Variants in OTUD7A observed in about 807,000 individuals in gnomAD.
The protein encoded by OTUD7A is OTU domain-containing protein 7A.
OTUD7A carries 12 observed loss-of-function variants against 65.7 expected under a neutral mutation model. The ratio of observed to expected loss-of-function variants is 0.18; its 90% CI spans 0.12 to 0.30. The LOEUF (loss-of-function observed/expected upper bound fraction) is 0.30, where lower values mean the gene tolerates loss of function less well. Ranked by LOEUF, OTUD7A falls within the 10% of genes least tolerant of loss-of-function variation. OTUD7A has a pLI of 1.00. For synonymous variants in OTUD7A, 641 were observed against 586.3 expected, an observed-to-expected ratio of 1.09 and a Z score of -1.35; for missense variants, 1,148 against 1,304.8, an observed-to-expected ratio of 0.88 and a Z score of 1.85.
chr15:31,663,404 T>G (rs1411492430), intron 1 of OTUD7A, among the ~76,000 whole-genome samples: 1 of 152,202 alleles, frequency 6.6e-6, no homozygotes, highest in African/African-American at 2.4e-5. Flanking sequence ...TATTAAGCCC[T>G]GCATGCATTA....
intron 1 of OTUD7A, among the ~76,000 whole-genome samples, chr15:31,784,908 C>T (rs1895631860): frequency 2.0e-5 from 3 of 152,100 alleles, no homozygotes; most frequent in African/African-American, 4.8e-5. Context: ...GGTGTGGAGG[C>T]AGAATGGGGA....
At chr15:31,587,856 G>A (rs1052279308) in intron 3 of OTUD7A, among the ~76,000 whole-genome samples, 2 of 151,754 alleles carry the variant, frequency 1.3e-5, no homozygotes, top group African/African-American at 2.4e-5. Flanking sequence ...GGGCCCTAAC[G>A]CTCACTGTTC....
intron 1 of OTUD7A, among the ~76,000 whole-genome samples, chr15:31,682,302 A>T (rs1052170568): frequency 6.6e-6 from 1 of 152,216 alleles, no homozygotes; most frequent in East Asian, 1.9e-4. Flanking sequence ...CACAGTTAAG[A>T]TGTCAAGTAT....
chr15:31,822,853 G>A (rs577261366), intron 1 of OTUD7A, among the ~76,000 whole-genome samples: 40 of 152,098 alleles, frequency 2.6e-4, no homozygotes, highest in Admixed American at 5.9e-4. Context: ...GGAAGGCTGC[G>A]TACCCTAACG....
In OTUD7A at chr15:31,484,752, A is replaced by C. The variant is rs758249805; in HGVS notation, c.1372-28T>G. 3 of 1,584,836 alleles carry C rather than the reference A, an allele frequency of 1.9e-6. No homozygotes were observed. The highest frequency in any genetic ancestry group is 1.7e-6 in the Non-Finnish European group (2 of 1,172,564). On this transcript the variant is annotated intron_variant, in intron 12 of 12. Coordinates refer to ENST00000307050, the MANE Select transcript of OTUD7A (RefSeq NM_001382637.1). The surrounding 1 kb of genome is among the most constrained non-coding windows in gnomAD (Gnocchi z 4.5). ...GTGTGGAGAGGGAGGGCCGGATCGA[A>C]GGTGGTTAGAGAAGAGCTGTCCACG...
At chr15:31,566,640 G>T (rs1328505895) in intron 4 of OTUD7A, among the ~76,000 whole-genome samples, 2 of 152,142 alleles carry the variant, frequency 1.3e-5, no homozygotes, top group Non-Finnish European at 2.9e-5. Context: ...TGGAGGGGGG[G>T]TCTGGTGGGA....
intron 1 of OTUD7A, among the ~76,000 whole-genome samples, chr15:31,744,509 T>C (rs927671984): frequency 9.2e-5 from 14 of 152,120 alleles, no homozygotes; most frequent in Non-Finnish European, 1.8e-4. Context: ...ATTTAATACC[T>C]ATTCATTTAA....
In OTUD7A at chr15:31,570,106, C is replaced by G. The variant is rs775733536; in HGVS notation, c.243G>C (p.Gly81=). Residue 81 remains glycine (G), a synonymous_variant, in exon 4 of 13, where the codon GGG becomes GGC. Coordinates refer to ENST00000307050, the MANE Select transcript of OTUD7A (RefSeq NM_001382637.1). ...TANLPHVFNE[G]RGPKQPEREP... is the part of the protein sequence containing the mutation. Reference sequence around the variant, plus strand: ...CTCGCTCTGGCTGCTTGGGACCCCGCCCTTCATTGAACACATGTGGCAGAT... The same window carrying G: ...CTCGCTCTGGCTGCTTGGGACCCCGGCCTTCATTGAACACATGTGGCAGAT... 2 of 1,614,190 alleles carry G rather than the reference C, an allele frequency of 1.2e-6. No individual in the cohort carries two copies. Among genetic ancestry groups the G allele is most frequent in the South Asian group, 2.2e-5 (2 of 91,082 alleles).
chr15:31,511,041 C>CATGTATATCTATATGCAACATACATATAT lies in OTUD7A; in HGVS notation c.894-7224_894-7223insATATATGTATGTTGCATATAGATATACAT, dbSNP rs2041708727. Among the ~76,000 whole-genome samples, 3 of 13,864 alleles carry CATGTATATCTATATGCAACATACATATAT rather than the reference C, an allele frequency of 2.2e-4. 1 individual carries two copies. The highest frequency in any genetic ancestry group is 3.4e-4 in the Non-Finnish European group (3 of 8,700). 9.1% of individuals were successfully genotyped at this position (13,864 alleles called of 152,430 possible). On this transcript the variant is annotated intron_variant, in intron 8 of 12. Transcript: ENST00000307050. ...TACATGTATATCTATATGTAACATA[C>CATGTATATCTATATGCAACATACATATAT]ATGTATATCTATATGTAACATACAT...
At chr15:31,509,395 C>G (rs141882318) in intron 8 of OTUD7A, among the ~76,000 whole-genome samples, 1,562 of 152,190 alleles carry the variant, frequency 0.01, 17 homozygotes, top group Non-Finnish European at 0.017. Flanking sequence ...TCTTTTGCCT[C>G]AGCCTCCCGA....
intron 1 of OTUD7A, among the ~76,000 whole-genome samples, chr15:31,822,054 ACTGT>A (rs1262950272): frequency 2.6e-5 from 4 of 152,194 alleles, no homozygotes; most frequent in African/African-American, 7.2e-5. Flanking sequence ...CATTCTATGG[ACTGT>A]CTTTTTGCTT....
At chr15:31,746,171 G>C (rs1595741917) in intron 1 of OTUD7A, among the ~76,000 whole-genome samples, 1 of 152,182 alleles carries the variant, frequency 6.6e-6, no homozygotes, top group African/African-American at 2.4e-5. Flanking sequence ...TTATCCTGGG[G>C]TTTCCCCACT....
rs187573574 is a variant in OTUD7A, at chr15:31,713,258, G to A, written c.-99-56181C>T. Among the ~76,000 whole-genome samples the A allele has an allele frequency of 5.9e-5, 9 of 152,278 alleles. No individual in the cohort carries two copies. In the East Asian group the frequency reaches 1.3e-3, roughly 23 times the overall value. On this transcript the variant is annotated intron_variant, in intron 1 of 12. Transcript: ENST00000307050. Reference sequence around the variant, plus strand: ...AATAAATCCTCTAGAAAGCAACATGGAGGAGCATCTGCATGAACTTGGGAT... The same window carrying A: ...AATAAATCCTCTAGAAAGCAACATGAAGGAGCATCTGCATGAACTTGGGAT...
chr15:31,625,604 A>G (rs34398864), intron 3 of OTUD7A, among the ~76,000 whole-genome samples: 1 of 152,172 alleles, frequency 6.6e-6, no homozygotes, highest in African/African-American at 2.4e-5. Flanking sequence ...CTCAACATAC[A>G]TCTGCCTATG....
intron 5 of OTUD7A, among the ~76,000 whole-genome samples, chr15:31,550,988 T>C (rs548149854): frequency 3.3e-5 from 5 of 152,142 alleles, no homozygotes; most frequent in African/African-American, 1.2e-4. Flanking sequence ...GCCCAGGCTG[T>C]TGAGACTGTG....
At chr15:31,808,036 G>C (rs1246654953) in intron 1 of OTUD7A, among the ~76,000 whole-genome samples, 3 of 151,162 alleles carry the variant, frequency 2.0e-5, no homozygotes, top group African/African-American at 7.3e-5. Context: ...TAGAGGAGGG[G>C]CCAGAAGAGA....
chr15:31,559,803 A>C (rs1239238706), intron 4 of OTUD7A, among the ~76,000 whole-genome samples: 1 of 152,208 alleles, frequency 6.6e-6, no homozygotes, highest in Admixed American at 6.5e-5. Context: ...ATACATGCAC[A>C]GACTATATGC....
chr15:31,813,660 T>C (rs12324611), intron 1 of OTUD7A, among the ~76,000 whole-genome samples: 5,478 of 152,258 alleles, frequency 0.036, 357 homozygotes, highest in African/African-American at 0.12. Context: ...AAGAAAAAAA[T>C]AGTACATAAC....
At position 31,772,301 on chromosome 15, in the gene OTUD7A, A is replaced by T. The variant is rs148025097; in HGVS notation, c.-100+98206T>A. ...TTAGAGTGTTGATTTATTTACCTGTAAACTGTTTATATCCCTCTGATAGAC... is the reference window on the plus strand; with the variant it reads ...TTAGAGTGTTGATTTATTTACCTGTTAACTGTTTATATCCCTCTGATAGAC... On this transcript the variant is annotated intron_variant, in intron 1 of 12. Coordinates refer to ENST00000307050, the MANE Select transcript of OTUD7A (RefSeq NM_001382637.1). Among the ~76,000 whole-genome samples the T allele has an allele frequency of 3.3e-3, 503 of 152,270 alleles. 4 individuals are homozygous for T. The highest frequency in any genetic ancestry group is 6.0e-3 in the Non-Finnish European group (406 of 68,024).
Sources: allele counts gnomAD v4.1 joint callset (sites outside exome capture counted in the v4.1 genomes callset), GRCh38; gene constraint gnomAD v4.1.1; non-coding constraint Gnocchi (gnomAD v3.1); transcripts MANE v1.5; gene names NCBI Gene and HGNC (gene_info 2026-07-23, HGNC 2026-07-21).